The following GLIS3 variants were observed in gnomAD, a reference collection of about 807,000 sequenced individuals.
GLIS3 encodes GLIS family zinc finger 3.
GLIS3 carries 53 observed loss-of-function variants against 78.6 expected under a neutral mutation model. The ratio of observed to expected loss-of-function variants is 0.67; its 90% CI spans 0.54 to 0.85. GLIS3 has a LOEUF of 0.85. Ranked by LOEUF, GLIS3 falls within the 40% of genes least tolerant of loss-of-function variation. GLIS3 has a pLI of 0.00. For synonymous variants in GLIS3, 684 were observed against 509.9 expected (o/e 1.34, Z -4.60); for missense variants, 1,703 against 1,231.1 (o/e 1.38, Z -5.74).
intron 7 of GLIS3, among the ~76,000 whole-genome samples, chr9:3,895,709 C>T (rs1250672157): frequency 6.6e-6 from 1 of 152,218 alleles, no homozygotes; most frequent in Admixed American, 6.5e-5. Context: ...CCCTGTTCAT[C>T]TTCATGCTGT....
chr9:4,202,975 G>A (rs1333643300), intron 2 of GLIS3, among the ~76,000 whole-genome samples: 2 of 152,158 alleles, frequency 1.3e-5, no homozygotes, highest in African/African-American at 2.4e-5. Context: ...TGACAAGTGG[G>A]ACCTAATTAA....
chr9:4,226,763 A>G (rs1333219240), intron 2 of GLIS3, among the ~76,000 whole-genome samples: 2 of 152,208 alleles, frequency 1.3e-5, no homozygotes, highest in Non-Finnish European at 2.9e-5. Context: ...ATGAGTAAGG[A>G]GTAACAATAT....
chr9:4,268,201 T>A (rs1826192889), intron 2 of GLIS3, among the ~76,000 whole-genome samples: 1 of 151,582 alleles, frequency 6.6e-6, no homozygotes, highest in Non-Finnish European at 1.5e-5. Context: ...ACACCTTAGT[T>A]TTTTCATTTG....
At chr9:4,339,478 T>A (rs1817801850) in intron 2 of GLIS3, among the ~76,000 whole-genome samples, 1 of 151,960 alleles carries the variant, frequency 6.6e-6, no homozygotes, top group Non-Finnish European at 1.5e-5. Context: ...ATCTGTTACA[T>A]AAACAGCCTT....
At chr9:4,392,460 T>G in the GLIS3 span, among the ~76,000 whole-genome samples, 1 of 152,166 alleles carries the variant, frequency 6.6e-6, no homozygotes, top group Non-Finnish European at 1.5e-5. Flanking sequence ...AGGGATGCAC[T>G]AGTCTAGGTA....
At chr9:4,167,892 G>A (rs1188077356) in intron 2 of GLIS3, among the ~76,000 whole-genome samples, 2 of 152,112 alleles carry the variant, frequency 1.3e-5, no homozygotes, top group African/African-American at 2.4e-5. Flanking sequence ...GCCACTTTCG[G>A]TCTGATTACT....
Position 4,153,592 on chromosome 9 carries a change from A to C in GLIS3, c.389-27651T>G, listed in dbSNP as rs111872731. On this transcript the variant is annotated intron_variant, in intron 2 of 10. Coordinates refer to ENST00000381971, the MANE Select transcript of GLIS3 (RefSeq NM_001042413.2). ...ATATATATATATTGTGGAACACAGA[A>C]GGAAGACTAATTAAACTAAATAAAG... Among the ~76,000 whole-genome samples the C allele has an allele frequency of 3.2e-4, 49 of 152,330 alleles. 2 individuals are homozygous for C. The highest frequency in any genetic ancestry group is 1.1e-3 in the African/African-American group (46 of 41,572).
intron 4 of GLIS3, among the ~76,000 whole-genome samples, chr9:4,072,180 T>C (rs1827667919): frequency 6.6e-6 from 1 of 152,252 alleles, no homozygotes; most frequent in South Asian, 2.1e-4. Flanking sequence ...CTTTATAGGA[T>C]GGACTGCTTT....
At position 3,937,209 on chromosome 9, in the gene GLIS3, T is replaced by G; in HGVS notation, c.1711-20A>C. ...TTCAAACTGCAAAAAGAAAACAATT[T>G]TTGGTGGTTGAGAAGGACCTTGAAT... On this transcript the variant is annotated intron_variant, in intron 4 of 10. Transcript: ENST00000381971. 6.2e-7 allele frequency: 1 copy of G among 1,613,908 alleles called. No homozygotes were observed. Among genetic ancestry groups the G allele is most frequent in the Non-Finnish European group, 8.5e-7 (1 of 1,179,896 alleles).
chr9:4,190,000 C>G (rs1433053663), intron 2 of GLIS3, among the ~76,000 whole-genome samples: 1 of 152,120 alleles, frequency 6.6e-6, no homozygotes, highest in Admixed American at 6.5e-5. Flanking sequence ...AACCAACAAA[C>G]AGAAAGGACA....
At chr9:4,200,738 G>T (rs530980037) in intron 2 of GLIS3, among the ~76,000 whole-genome samples, 1 of 152,008 alleles carries the variant, frequency 6.6e-6, no homozygotes, top group Non-Finnish European at 1.5e-5. Context: ...CAGGACTCAC[G>T]GCCAAATTCT....
chr9:4,258,606 T>C (rs1825211394), intron 2 of GLIS3, among the ~76,000 whole-genome samples: 1 of 152,194 alleles, frequency 6.6e-6, no homozygotes. Flanking sequence ...AAGATGGCCT[T>C]TGCTTTTGAG....
At chr9:4,208,221 C>T (rs984713788) in intron 2 of GLIS3, among the ~76,000 whole-genome samples, 4 of 152,136 alleles carry the variant, frequency 2.6e-5, no homozygotes, top group African/African-American at 9.7e-5. Flanking sequence ...CTTCTTTATA[C>T]GACAACAAGT....
chr9:3,975,772 G>C (rs1054667892), intron 4 of GLIS3, among the ~76,000 whole-genome samples: 2 of 152,036 alleles, frequency 1.3e-5, no homozygotes, highest in Non-Finnish European at 1.5e-5. Context: ...AAAATATCAA[G>C]CTATCATCAT....
intron 4 of GLIS3, among the ~76,000 whole-genome samples, chr9:3,985,768 A>G (rs1819694290): frequency 6.6e-6 from 1 of 152,258 alleles, no homozygotes; most frequent in African/African-American, 2.4e-5. Flanking sequence ...CATATGCAAC[A>G]TTCAATGGAA....
intron 4 of GLIS3, chr9:4,071,325 C>G (rs1204751228): frequency 6.7e-6 from 1 of 149,970 alleles, no homozygotes; most frequent in Admixed American, 6.6e-5. Flanking sequence ...GTCTCTCTCT[C>G]TCTCTCTCCC....
chr9:4,318,556 T>C (rs544285903), intron 2 of GLIS3, among the ~76,000 whole-genome samples: 26 of 152,288 alleles, frequency 1.7e-4, no homozygotes, highest in African/African-American at 5.3e-4. Flanking sequence ...TGGGCAATTT[T>C]AGCTTCAAAA....
At chr9:3,876,513 G>A (rs1045927954) in intron 8 of GLIS3, among the ~76,000 whole-genome samples, 1 of 148,962 alleles carries the variant, frequency 6.7e-6, no homozygotes, top group African/African-American at 2.5e-5. Flanking sequence ...GGTTTATGTA[G>A]GAGAATGTCC....
intron 2 of GLIS3, among the ~76,000 whole-genome samples, chr9:4,210,894 AC>A (rs889316306): frequency 4.6e-5 from 7 of 151,600 alleles, no homozygotes; most frequent in African/African-American, 1.7e-4. Flanking sequence ...AATTCCACAC[AC>A]CCCTACCCTC....
Sources: gnomAD v4.1 joint callset for allele counts (sites outside exome capture counted in the v4.1 genomes callset) on GRCh38, gnomAD v4.1.1 for gene constraint, MANE v1.5 for transcripts, NCBI Gene and HGNC (gene_info 2026-07-23, HGNC 2026-07-21) for gene names.